Variants in NTM observed in about 807,000 individuals in gnomAD.
The protein encoded by NTM is neurotrimin, also known as IgLON family member 2.
Under a neutral mutation model 42.1 loss-of-function variants are expected in NTM, and 13 were observed. That is an observed-to-expected ratio of 0.31 (90% CI 0.20 to 0.49). The LOEUF (loss-of-function observed/expected upper bound fraction) is 0.49. NTM is among the 20% of genes least tolerant of loss of function. The pLI, the probability that NTM is intolerant of heterozygous loss-of-function variation, is 0.99. For missense variants in NTM, 373 were observed against 452.8 expected (o/e 0.82, Z 1.60); for synonymous variants, 187 against 179.2 (o/e 1.04, Z -0.35).
At chr11:131,989,829 A>G (rs2066713255) in intron 2 of NTM, among the ~76,000 whole-genome samples, 1 of 152,092 alleles carries the variant, frequency 6.6e-6, no homozygotes, top group Admixed American at 6.6e-5. Flanking sequence ...CTTCAGAGGG[A>G]AAAGAATGGT....
At chr11:132,071,850 CA>C (rs1398476402) in intron 2 of NTM, among the ~76,000 whole-genome samples, 4 of 152,088 alleles carry the variant, frequency 2.6e-5, no homozygotes, top group Non-Finnish European at 4.4e-5. Context: ...GTAACCAGGT[CA>C]TCCATCAGTA....
intron 4 of NTM, among the ~76,000 whole-genome samples, chr11:132,291,450 G>T (rs1360743622): frequency 6.6e-6 from 1 of 152,176 alleles, no homozygotes; most frequent in Non-Finnish European, 1.5e-5. Flanking sequence ...TTTCATGTCG[G>T]ACATGTCAAA....
chr11:131,876,146 C>G (rs1202655046), intron 1 of NTM, among the ~76,000 whole-genome samples: 1 of 151,934 alleles, frequency 6.6e-6, no homozygotes, highest in East Asian at 1.9e-4. Context: ...TTTATCTGGT[C>G]TTTCTCCAAG....
intron 4 of NTM, among the ~76,000 whole-genome samples, chr11:132,232,708 G>A (rs542568909): frequency 6.6e-6 from 1 of 152,092 alleles, no homozygotes; most frequent in African/African-American, 2.4e-5. Context: ...AACACATTAC[G>A]CACATTATCC....
intron 1 of NTM, among the ~76,000 whole-genome samples, chr11:131,595,339 A>T (rs10894416): frequency 6.6e-6 from 1 of 151,998 alleles, no homozygotes; most frequent in Admixed American, 6.6e-5. Flanking sequence ...TAAAGACTGT[A>T]CATTCAAGAG....
intron 1 of NTM, chr11:131,911,344 C>A (rs1027091077): frequency 7.3e-6 from 11 of 1,504,016 alleles, no homozygotes; most frequent in Non-Finnish European, 8.9e-6. Context: ...GCGCTTTTCT[C>A]CTCCCCGCGC....
chr11:131,509,057 A>T (rs540409), intron 1 of NTM, among the ~76,000 whole-genome samples: 29,335 of 150,388 alleles, frequency 0.2, 2,934 homozygotes, highest in Middle Eastern at 0.24. Flanking sequence ...ATAATAATAA[A>T]AAAGAAATTT....
At chr11:131,682,492 C>T (rs771882358) in intron 1 of NTM, among the ~76,000 whole-genome samples, 1 of 152,224 alleles carries the variant, frequency 6.6e-6, no homozygotes, top group Non-Finnish European at 1.5e-5. Flanking sequence ...GGCACGCATG[C>T]AGCTGCAGAG....
chr11:131,884,226 A>T (rs1480739389), intron 1 of NTM, among the ~76,000 whole-genome samples: 1 of 152,024 alleles, frequency 6.6e-6, no homozygotes, highest in Non-Finnish European at 1.5e-5. Flanking sequence ...CCTGACCAAC[A>T]TGGAGAAACC....
chr11:132,222,262 C>G (rs1255618086), intron 4 of NTM, among the ~76,000 whole-genome samples: 1 of 152,192 alleles, frequency 6.6e-6, no homozygotes, highest in Non-Finnish European at 1.5e-5. Context: ...TCTCTTCCAC[C>G]TGGATGGCCG....
chr11:131,784,578 C>T (rs1357357213), intron 1 of NTM, among the ~76,000 whole-genome samples: 1 of 152,146 alleles, frequency 6.6e-6, no homozygotes, highest in Non-Finnish European at 1.5e-5. Flanking sequence ...AGCAAAGCCA[C>T]ATTTCCTGGG....
chr11:132,314,906 G>GAACAAGAGATACAGTT, intron 7 of NTM: 2 of 1,348,672 alleles, frequency 1.5e-6, no homozygotes, highest in African/African-American at 1.5e-5. Flanking sequence ...GAAAGAGAAA[G>GAACAAGAGATACAGTT]AACAAGAGAT....
intron 1 of NTM, among the ~76,000 whole-genome samples, chr11:131,808,826 T>C (rs534580769): frequency 2.2e-4 from 34 of 152,320 alleles, no homozygotes; most frequent in South Asian, 1.5e-3. Context: ...AGCATGCCCG[T>C]GCACACGCAC....
chr11:131,976,450 C>G (rs546019926), intron 2 of NTM, among the ~76,000 whole-genome samples: 5 of 152,268 alleles, frequency 3.3e-5, no homozygotes, highest in African/African-American at 1.2e-4. Context: ...TCTCTTCCCA[C>G]TTTCAATCAT....
chr11:131,498,770 G>T (rs1247469459), intron 1 of NTM, among the ~76,000 whole-genome samples: 1 of 152,198 alleles, frequency 6.6e-6, no homozygotes, highest in East Asian at 1.9e-4. Context: ...GCCCAAAGCT[G>T]CCAGGAGGGG....
chr11:132,248,279 C>T (rs1230533480), intron 4 of NTM, among the ~76,000 whole-genome samples: 1 of 152,186 alleles, frequency 6.6e-6, no homozygotes, highest in African/African-American at 2.4e-5. Flanking sequence ...TGAACTTTCC[C>T]ATCTGCTTCA....
At chr11:132,019,509 C>T (rs2073996140) in intron 2 of NTM, among the ~76,000 whole-genome samples, 1 of 151,846 alleles carries the variant, frequency 6.6e-6, no homozygotes, top group Non-Finnish European at 1.5e-5. Context: ...GTATGCATAC[C>T]TATATAAGTA....
At chr11:132,075,975 A>G in intron 2 of NTM, among the ~76,000 whole-genome samples, 1 of 152,322 alleles carries the variant, frequency 6.6e-6, no homozygotes, top group Middle Eastern at 3.4e-3. Flanking sequence ...GTGGGTATGT[A>G]ATCAATAGCA....
At chr11:131,790,401 G>A (rs2090761882) in intron 1 of NTM, among the ~76,000 whole-genome samples, 1 of 151,050 alleles carries the variant, frequency 6.6e-6, no homozygotes, top group African/African-American at 2.5e-5. Context: ...TGGGATTCAG[G>A]TAATGTTGTG....
Sources: allele counts gnomAD v4.1 joint callset (sites outside exome capture counted in the v4.1 genomes callset), GRCh38; gene constraint gnomAD v4.1.1; transcripts MANE v1.5; gene names NCBI Gene and HGNC (gene_info 2026-07-23, HGNC 2026-07-21).